The following NOX4 variants were observed in gnomAD, a reference collection of about 807,000 sequenced individuals.
NOX4 encodes NADPH oxidase 4, also known as kidney oxidase-1.
Under a neutral mutation model 87.6 loss-of-function variants are expected in NOX4, and 69 were observed. The ratio of observed to expected loss-of-function variants is 0.79; its 90% confidence interval spans 0.65 to 0.96. NOX4 has a LOEUF of 0.96. Ranked by LOEUF, NOX4 falls within the 40% of genes least tolerant of loss-of-function variation. NOX4 has a pLI of 0.00. For missense variants in NOX4, 680 were observed against 681.5 expected, an observed-to-expected ratio of 1.00 and a Z score of 0.02; for synonymous variants, 275 against 238.2, an observed-to-expected ratio of 1.15 and a Z score of -1.42.
chr11:89,372,479 G>A (rs2135055928), intron 12 of NOX4, among the ~76,000 whole-genome samples: 1 of 152,034 alleles, frequency 6.6e-6, no homozygotes, highest in East Asian at 1.9e-4. Flanking sequence ...ATTGATTAAA[G>A]ACTGATTGGA....
chr11:89,509,675 G>T, the NOX4 span, among the ~76,000 whole-genome samples: 1 of 151,976 alleles, frequency 6.6e-6, no homozygotes, highest in African/African-American at 2.4e-5. Flanking sequence ...TATCAGAGAA[G>T]AAATTAATCA....
At chr11:89,567,884 G>A in the NOX4 span, among the ~76,000 whole-genome samples, 3 of 152,224 alleles carry the variant, frequency 2.0e-5, no homozygotes, top group Non-Finnish European at 4.4e-5. Flanking sequence ...ACTAGCATGA[G>A]CATGTGTACA....
intron 12 of NOX4, among the ~76,000 whole-genome samples, chr11:89,366,482 C>T (rs1298464306): frequency 6.6e-6 from 1 of 151,868 alleles, no homozygotes. Context: ...GTTTGATTAG[C>T]CTGAGCAACA....
the NOX4 span, among the ~76,000 whole-genome samples, chr11:89,516,867 G>C: frequency 0.015 from 2,263 of 151,930 alleles, 47 homozygotes; most frequent in African/African-American, 0.047. Flanking sequence ...TGGGTATTTG[G>C]GGAGTTCTTT....
At chr11:89,327,927 G>A (rs1444367804) in intron 17 of NOX4, among the ~76,000 whole-genome samples, 7 of 151,966 alleles carry the variant, frequency 4.6e-5, no homozygotes, top group East Asian at 1.9e-4. Context: ...AAGTATTTTC[G>A]GACACTGAAT....
chr11:89,534,777 A>T, the NOX4 span, among the ~76,000 whole-genome samples: 1 of 152,144 alleles, frequency 6.6e-6, no homozygotes, highest in East Asian at 1.9e-4. Flanking sequence ...TTGATGAACT[A>T]CTGGGATGTG....
At chr11:89,456,188 A>G (rs923239214) in intron 2 of NOX4, among the ~76,000 whole-genome samples, 1 of 152,170 alleles carries the variant, frequency 6.6e-6, no homozygotes, top group Admixed American at 6.5e-5. Flanking sequence ...TTATACATAT[A>G]TACAATTACT....
At chr11:89,437,259 T>C (rs768313305) in intron 6 of NOX4, among the ~76,000 whole-genome samples, 2 of 152,088 alleles carry the variant, frequency 1.3e-5, no homozygotes, top group African/African-American at 4.8e-5. Context: ...TCCCAGTTAC[T>C]TGGGAGGCTG....
In NOX4 at chr11:89,355,299, T is replaced by C. The variant is rs1937949833; in HGVS notation, c.1136-256A>G. ...TATGTAGCCATTAAGGATAAATAGG[T>C]ATAAATATATAAATAATATATATTC... On this transcript the variant is annotated intron_variant, in intron 12 of 17. Transcript: ENST00000263317. Among the ~76,000 whole-genome samples the C allele has an allele frequency of 2.0e-5, 3 of 147,772 alleles. No homozygotes were observed. The South Asian group carries it at 6.3e-4, about 31-fold the overall frequency.
chr11:89,549,385 G>A, the NOX4 span, among the ~76,000 whole-genome samples: 19 of 152,044 alleles, frequency 1.2e-4, no homozygotes, highest in African/African-American at 1.9e-4. Context: ...TTTGTGACAC[G>A]TCTTGTTTCC....
At chr11:89,330,380 A>G in intron 17 of NOX4, among the ~76,000 whole-genome samples, 1 of 152,018 alleles carries the variant, frequency 6.6e-6, no homozygotes, top group Admixed American at 6.6e-5. Flanking sequence ...AACATAAAAA[A>G]TAAAATAGGC....
chr11:89,567,835 T>C, the NOX4 span, among the ~76,000 whole-genome samples: 1 of 152,226 alleles, frequency 6.6e-6, no homozygotes, highest in Admixed American at 6.5e-5. Context: ...CAGCCCCTGC[T>C]GGTGCCTATG....
the NOX4 span, among the ~76,000 whole-genome samples, chr11:89,585,972 C>T: frequency 2.6e-5 from 4 of 152,080 alleles, no homozygotes; most frequent in African/African-American, 7.2e-5. Context: ...CATTTAATTT[C>T]TTGTTCACCT....
At chr11:89,442,330 A>G (rs1158910965) in intron 5 of NOX4, among the ~76,000 whole-genome samples, 1 of 152,100 alleles carries the variant, frequency 6.6e-6, no homozygotes, top group Non-Finnish European at 1.5e-5. Flanking sequence ...GACTTTTTAA[A>G]AAGGAATTTG....
chr11:89,465,812 C>A (rs946229141), intron 2 of NOX4, among the ~76,000 whole-genome samples: 2 of 149,522 alleles, frequency 1.3e-5, no homozygotes, highest in Admixed American at 1.3e-4. Context: ...CCTTTGCTCA[C>A]TTTATGATGG....
intron 8 of NOX4, 39 bp downstream of exon 8, chr11:89,421,863 G>T: frequency 8.0e-7 from 1 of 1,245,394 alleles, no homozygotes; most frequent in South Asian, 1.4e-5. Flanking sequence ...CCCATTTTGG[G>T]GCACAAATGG....
At chr11:89,366,700 G>A (rs201180274) in intron 12 of NOX4, among the ~76,000 whole-genome samples, 1,845 of 111,336 alleles carry the variant, frequency 0.017, no homozygotes, top group Middle Eastern at 0.033. Context: ...AAACTGAAAA[G>A]AAAAAAAAAA....
rs189341796 is a variant in NOX4, at chr11:89,460,999, T to C, written c.154-9104A>G. On this transcript the variant is annotated intron_variant, in intron 2 of 17. Transcript: ENST00000263317. ...AGCCATAAAAGATGATGAGTTCATGTCCTTTGTAGGGACATGGGTGAAATT... is the reference window on the plus strand; with the variant it reads ...AGCCATAAAAGATGATGAGTTCATGCCCTTTGTAGGGACATGGGTGAAATT... 1.9e-3 allele frequency among the ~76,000 whole-genome samples: 290 copies of C among 152,298 alleles called. 1 individual carries two copies. The highest frequency in any genetic ancestry group is 2.9e-3 in the Non-Finnish European group (198 of 68,036).
chr11:89,584,503 A>T, the NOX4 span, among the ~76,000 whole-genome samples: 1 of 152,318 alleles, frequency 6.6e-6, no homozygotes, highest in Admixed American at 6.5e-5. Flanking sequence ...TGTGGTAAAT[A>T]AATTTGTGTG....
Sources: gnomAD v4.1 joint callset for allele counts (sites outside exome capture counted in the v4.1 genomes callset) on GRCh38, gnomAD v4.1.1 for gene constraint, MANE v1.5 for transcripts, NCBI Gene and HGNC (gene_info 2026-07-23, HGNC 2026-07-21) for gene names.